The following ANG variants were observed in gnomAD, a reference collection of about 807,000 sequenced individuals.
The protein encoded by ANG is Homo sapiens epididymis luminal protein 168.
For missense variants in ANG, 178 were observed against 187.4 expected (o/e 0.95, Z 0.29); for synonymous variants, 74 against 73.8 (o/e 1.00, Z -0.02).
chr14:20,688,821 C>T lies in ANG; in HGVS notation c.-72C>T. 1 of 985,376 alleles carries T rather than the reference C, an allele frequency of 1.0e-6. No individual in the cohort carries two copies. The highest frequency in any genetic ancestry group is 1.2e-6 in the Non-Finnish European group (1 of 829,912). The allele number at this position is 985,376 out of a possible 1,614,324, so 61.0% of individuals were successfully genotyped here. ...CATCTCCAGGAACAAACAGCTGGAA[C>T]CCATCTCCCGTTGAAGGGAAACTGC... is the stretch of plus-strand genomic sequence containing the variant. On this transcript the variant is annotated 5_prime_UTR_variant, in exon 1 of 2. Coordinates refer to ENST00000397990, the MANE Select transcript of ANG (RefSeq NM_001097577.3).
At chr14:20,692,996 C>T (rs554631109) in intron 1 of ANG, among the ~76,000 whole-genome samples, 10 of 151,928 alleles carry the variant, frequency 6.6e-5, no homozygotes, top group East Asian at 3.9e-4. Context: ...TACAGGCGCC[C>T]GCCACTACGC....
At position 20,693,814 on chromosome 14, in the gene ANG, A is replaced by G. The variant is rs17560; in HGVS notation, c.250A>G (p.Lys84Glu). The G allele has an allele frequency of 8.6e-4, 1,393 of 1,614,208 alleles. 7 individuals carry two copies. The African/African-American group carries it at 0.014, about 16-fold the overall frequency. Residue 84 changes from lysine (K) to glutamate (E), a missense_variant, in exon 2 of 2, where the codon AAG becomes GAG. By Grantham distance (56) the Lys-to-Glu change is moderately conservative. Coordinates refer to ENST00000397990, the MANE Select transcript of ANG (RefSeq NM_001097577.3). ...KRSIKAICEN[K>E]NGNPHRENLR... Reference sequence around the variant, plus strand: ...CAGCATCAAGGCCATCTGTGAAAACAAGAATGGAAACCCTCACAGAGAAAA... The same window carrying G: ...CAGCATCAAGGCCATCTGTGAAAACGAGAATGGAAACCCTCACAGAGAAAA...
chr14:20,691,680 A>C (rs1049462394), intron 1 of ANG, among the ~76,000 whole-genome samples: 9 of 152,264 alleles, frequency 5.9e-5, no homozygotes, highest in Non-Finnish European at 8.8e-5. Flanking sequence ...AATTTGATGC[A>C]CTGCTGAAGA....
At chr14:20,685,944 A>G (rs559933707), upstream of ANG, among the ~76,000 whole-genome samples, 170 of 151,948 alleles carry the variant, frequency 1.1e-3, no homozygotes, top group African/African-American at 3.8e-3. Context: ...GGAGGCTGAG[A>G]CAGGAGACTC....
intron 1 of ANG, among the ~76,000 whole-genome samples, chr14:20,692,835 A>AT (rs937607708): frequency 6.6e-6 from 1 of 151,976 alleles, no homozygotes; most frequent in Non-Finnish European, 1.5e-5. Context: ...TTAGGGAGGC[A>AT]TTTTTTTATT....
upstream of ANG, among the ~76,000 whole-genome samples, chr14:20,687,588 C>T (rs1886485105): frequency 6.6e-6 from 1 of 152,186 alleles, no homozygotes; most frequent in African/African-American, 2.4e-5. Flanking sequence ...TTTCTCCTTG[C>T]TTATGAAGGG....
upstream of ANG, among the ~76,000 whole-genome samples, chr14:20,686,882 T>C (rs902821381): frequency 6.6e-6 from 1 of 152,224 alleles, no homozygotes; most frequent in Admixed American, 6.5e-5. Context: ...TAAGACAGAA[T>C]GATACATATA....
At chr14:20,690,495 A>T (rs1047726356) in intron 1 of ANG, among the ~76,000 whole-genome samples, 2 of 151,974 alleles carry the variant, frequency 1.3e-5, no homozygotes, top group African/African-American at 4.8e-5. Context: ...TATATTGAGA[A>T]AGTTTTGAGT....
intron 1 of ANG, among the ~76,000 whole-genome samples, chr14:20,693,297 C>G (rs1451782117): frequency 6.6e-6 from 1 of 152,038 alleles, no homozygotes; most frequent in Non-Finnish European, 1.5e-5. Flanking sequence ...GAGAAATACT[C>G]AGTGATTCTA....
At chr14:20,691,499 T>C (rs1255573428) in intron 1 of ANG, among the ~76,000 whole-genome samples, 6 of 152,236 alleles carry the variant, frequency 3.9e-5, no homozygotes, top group African/African-American at 1.2e-4. Flanking sequence ...CCAGCAGCTA[T>C]ACTGGAGCAG....
At chr14:20,692,049 AC>A (rs1201774987) in intron 1 of ANG, among the ~76,000 whole-genome samples, 4 of 152,244 alleles carry the variant, frequency 2.6e-5, no homozygotes, top group African/African-American at 2.4e-5. Context: ...ACTATTTGAT[AC>A]GAAAATGTTC....
upstream of ANG, among the ~76,000 whole-genome samples, chr14:20,687,321 G>T (rs959252355): frequency 2.0e-5 from 3 of 152,192 alleles, no homozygotes; most frequent in African/African-American, 7.2e-5. Flanking sequence ...ATCCTCCAAA[G>T]GTTGTCCAGT....
chr14:20,693,475 AG>A, intron 1 of ANG, 71 bp from the exon 2 acceptor site: 2 of 1,586,338 alleles, frequency 1.3e-6, no homozygotes, highest in South Asian at 2.2e-5. Context: ...CAGAGAGCAA[AG>A]CTCCTGTCCT....
rs1179112495 is a variant in ANG at position 20,694,045 on chromosome 14, C to G, written c.*37C>G. ...CTGGTCAAGTGCTGGCTCTGCTGTC[C>G]TTGCCTTCCATTTCCCCTCTGCACC... On this transcript the variant is annotated 3_prime_UTR_variant, in exon 2 of 2. Coordinates refer to ENST00000397990, the MANE Select transcript of ANG (RefSeq NM_001097577.3). The G allele has an allele frequency of 1.2e-6, 2 of 1,611,936 alleles. No individual in the cohort carries two copies. Among genetic ancestry groups the G allele is most frequent in the Non-Finnish European group, 1.7e-6 (2 of 1,178,058 alleles).
intron 1 of ANG, among the ~76,000 whole-genome samples, chr14:20,690,258 A>C (rs970334161): frequency 1.3e-5 from 2 of 151,060 alleles, no homozygotes; most frequent in Admixed American, 6.6e-5. Flanking sequence ...AGAAAAGAAA[A>C]GAAAAAAAGG....
chr14:20,688,174 G>C (rs116812055), upstream of ANG, among the ~76,000 whole-genome samples: 127 of 152,278 alleles, frequency 8.3e-4, no homozygotes, highest in African/African-American at 3.0e-3. Context: ...CAGGAAACAT[G>C]GCAAGCCTGC....
chr14:20,688,145 G>A (rs8008227), upstream of ANG, among the ~76,000 whole-genome samples: 19,610 of 152,184 alleles, frequency 0.13, 1,343 homozygotes, highest in African/African-American at 0.17. Flanking sequence ...GACAGGTAAA[G>A]ATGGAAGAAG....
rs1886978592 is a variant in ANG at position 20,694,067 on chromosome 14, C to T, written c.*59C>T. 6.3e-7 allele frequency: 1 copy of T among 1,590,744 alleles called. No individual in the cohort carries two copies. The highest frequency in any genetic ancestry group is 2.2e-5 in the East Asian group (1 of 44,772). ...GTCCTTGCCTTCCATTTCCCCTCTG[C>T]ACCCAGAACAGTGGTGGCAACATTC... On this transcript the variant is annotated 3_prime_UTR_variant, in exon 2 of 2. Coordinates refer to ENST00000397990, the MANE Select transcript of ANG (RefSeq NM_001097577.3).
Position 20,693,973 on chromosome 14 carries a change from G to A in ANG, c.409G>A (p.Val137Ile), listed in dbSNP as rs121909544. 2 of 1,614,096 alleles carry A rather than the reference G, an allele frequency of 1.2e-6. No individual in the cohort carries two copies. Among genetic ancestry groups the A allele is most frequent in the Non-Finnish European group, 1.7e-6 (2 of 1,180,028 alleles). The change falls in exon 2 of 2, where the codon GTC (valine) becomes ATC (isoleucine). Residue 137 changes from valine to isoleucine, a missense_variant. Val to Ile is a conservative substitution (Grantham distance 29). Coordinates refer to ENST00000397990, the MANE Select transcript of ANG (RefSeq NM_001097577.3). ...TGTTGCTTGTGAAAATGGCTTACCT[G>A]TCCACTTGGATCAGTCAATTTTCCG... ...VVVACENGLP[V>I]HLDQSIFRRP
Sources: allele counts gnomAD v4.1 joint callset (sites outside exome capture counted in the v4.1 genomes callset), GRCh38; gene constraint gnomAD v4.1.1; transcripts MANE v1.5; gene names NCBI Gene and HGNC (gene_info 2026-07-23, HGNC 2026-07-21).